CCM2: variants seen among roughly 807,000 people sequenced by gnomAD.
CCM2 encodes cerebral cavernous malformations 2 protein.
Under a neutral mutation model 44.9 loss-of-function variants are expected in CCM2, and 25 were observed. The observed-to-expected ratio is 0.56, with a 90% CI of 0.41 to 0.78. CCM2 has a LOEUF of 0.78. Among genes scored for constraint, CCM2 ranks in the 30% least tolerant of loss-of-function variants. The pLI, the probability that CCM2 is intolerant of heterozygous loss-of-function variation, is 0.00. For synonymous variants in CCM2, 219 were observed against 241.1 expected (o/e 0.91, Z 0.85); for missense variants, 481 against 580.6 (o/e 0.83, Z 1.76).
intron 4 of CCM2, among the ~76,000 whole-genome samples, chr7:45,065,097 G>A (rs1205298541): frequency 6.6e-6 from 1 of 151,968 alleles, no homozygotes; most frequent in Non-Finnish European, 1.5e-5. Context: ...GGAGCTCTTG[G>A]TCATAGAGGT....
intron 1 of CCM2, among the ~76,000 whole-genome samples, chr7:45,024,441 G>C (rs884082): frequency 0.15 from 20,057 of 136,426 alleles, 1,629 homozygotes; most frequent in Admixed American, 0.22. Flanking sequence ...TTTGCTTGCT[G>C]AACACTGTCA....
chr7:45,027,804 G>A, intron 1 of CCM2: 1 of 1,614,072 alleles, frequency 6.2e-7, no homozygotes, highest in Non-Finnish European at 8.5e-7. Flanking sequence ...TGAGGTAGGT[G>A]CAAGTCCAGT....
chr7:45,071,958 G>A (rs1270877424), intron 6 of CCM2: 3 of 430,470 alleles, frequency 7.0e-6, no homozygotes, highest in South Asian at 1.7e-5. Flanking sequence ...CGTCTTTGGG[G>A]GGTCATTATT....
chr7:45,004,324 T>C (rs1795760136), intron 1 of CCM2, among the ~76,000 whole-genome samples: 2 of 152,240 alleles, frequency 1.3e-5, no homozygotes, highest in South Asian at 4.1e-4. Flanking sequence ...TGAAATAATA[T>C]GATTTCTGGG....
chr7:45,056,393 G>A (rs914377609), intron 2 of CCM2, among the ~76,000 whole-genome samples: 2 of 152,082 alleles, frequency 1.3e-5, no homozygotes, highest in Admixed American at 6.6e-5. Context: ...GGTGGCTCAC[G>A]CCTGTAATCC....
At chr7:45,024,773 G>T (rs1286394395) in intron 1 of CCM2, among the ~76,000 whole-genome samples, 1 of 152,062 alleles carries the variant, frequency 6.6e-6, no homozygotes, top group African/African-American at 2.4e-5. Flanking sequence ...GCTTTTACAG[G>T]TACTTTTTTT....
chr7:45,038,891 G>T (rs1056352663), intron 2 of CCM2, among the ~76,000 whole-genome samples: 1 of 152,186 alleles, frequency 6.6e-6, no homozygotes, highest in African/African-American at 2.4e-5. Flanking sequence ...ACCATGTGAC[G>T]TGCATAAGTT....
At chr7:45,012,805 C>T (rs766563478) in intron 1 of CCM2, among the ~76,000 whole-genome samples, 5 of 152,102 alleles carry the variant, frequency 3.3e-5, no homozygotes, top group South Asian at 4.2e-4. Context: ...TTCAGCCTCC[C>T]GAGAAGCTGG....
chr7:45,006,930 GA>G (rs1203015575), intron 1 of CCM2, among the ~76,000 whole-genome samples: 18 of 152,202 alleles, frequency 1.2e-4, no homozygotes, highest in Non-Finnish European at 2.5e-4. Flanking sequence ...GGCAGCCCAA[GA>G]AGGCTAATGC....
intron 1 of CCM2, chr7:45,027,765 G>C: frequency 1.9e-6 from 3 of 1,614,182 alleles, no homozygotes; most frequent in African/African-American, 2.7e-5. Context: ...TCCTCAAACA[G>C]AATTTCACAC....
Position 45,073,529 on chromosome 7 carries a change from G to GAGCGCC in CCM2, c.881_886dup (p.Ser294_Ala295dup). On this transcript the variant is annotated inframe_insertion, in exon 8 of 10. Coordinates refer to ENST00000258781, the MANE Select transcript of CCM2 (RefSeq NM_031443.4). The stretch of plus-strand genomic sequence containing the variant: ...GCAAGACCATCAGTGAGAGCGAGCT[G>GAGCGCC]AGCGCCAGCGCCACTGAGCTGCTGC... 1 of 1,613,000 alleles carries GAGCGCC rather than the reference G, an allele frequency of 6.2e-7. No individual in the cohort carries two copies. Among genetic ancestry groups the GAGCGCC allele is most frequent in the African/African-American group, 1.3e-5 (1 of 75,040 alleles).
chr7:45,062,546 A>T (rs1351353767), intron 2 of CCM2, among the ~76,000 whole-genome samples: 1 of 152,190 alleles, frequency 6.6e-6, no homozygotes, highest in Non-Finnish European at 1.5e-5. Context: ...ATGAATAGAT[A>T]TTTCTAGGCT....
At position 45,076,090 on chromosome 7, in the gene CCM2, C is replaced by T. The variant is rs770977163; in HGVS notation, c.*33C>T. The T allele has an allele frequency of 5.5e-5, 88 of 1,611,954 alleles. No homozygotes were observed. The highest frequency in any genetic ancestry group is 3.3e-4 in the Middle Eastern group (2 of 5,988). On this transcript the variant is annotated 3_prime_UTR_variant, in exon 10 of 10. Transcript: ENST00000258781. ...TGGATGGGGGGGCACCCACACCTTC[C>T]GCGCAGTCGTCATAGGCCTTCCCAG...
Position 45,076,098 on chromosome 7 carries a change from C to A in CCM2, c.*41C>A. On this transcript the variant is annotated 3_prime_UTR_variant, in exon 10 of 10. Coordinates refer to ENST00000258781, the MANE Select transcript of CCM2 (RefSeq NM_031443.4). ...GGGGCACCCACACCTTCCGCGCAGT[C>A]GTCATAGGCCTTCCCAGAAGGAGCT... 1 of 1,610,840 alleles carries A rather than the reference C, an allele frequency of 6.2e-7. No homozygotes were observed. The highest frequency in any genetic ancestry group is 1.1e-5 in the South Asian group (1 of 90,818).
intron 9 of CCM2, among the ~76,000 whole-genome samples, chr7:45,075,073 G>C (rs999257897): frequency 2.0e-5 from 3 of 152,258 alleles, no homozygotes; most frequent in African/African-American, 7.2e-5. Flanking sequence ...CGACCTGGCA[G>C]TGGCAAACGT....
At chr7:45,052,320 C>T (rs1227674010) in intron 2 of CCM2, among the ~76,000 whole-genome samples, 1 of 152,310 alleles carries the variant, frequency 6.6e-6, no homozygotes, top group South Asian at 2.1e-4. Context: ...GAATTGGTAT[C>T]CTGCTGGCAG....
chr7:45,026,479 TA>T (rs1243166031), intron 1 of CCM2, among the ~76,000 whole-genome samples: 3 of 152,222 alleles, frequency 2.0e-5, no homozygotes, highest in Non-Finnish European at 4.4e-5. Context: ...GTACCATTTT[TA>T]TAGCCAAAAC....
rs116596883 is a variant in CCM2, at chr7:45,038,473, G to A, written c.204+47G>A. 2,438 of 1,591,610 alleles carry A rather than the reference G, an allele frequency of 1.5e-3. 31 individuals are homozygous for A. In the African/African-American group the frequency reaches 0.028, roughly 18 times the overall value. ...GACGTGCCTGCCAAACGACAGTGAC[G>A]GTCATGCTTGTATCCACCAGACACT... On this transcript the variant is annotated intron_variant, in intron 2 of 9. Coordinates refer to ENST00000258781, the MANE Select transcript of CCM2 (RefSeq NM_031443.4).
intron 1 of CCM2, among the ~76,000 whole-genome samples, chr7:45,021,571 A>AAAAT (rs1562866446): frequency 3.3e-5 from 5 of 151,540 alleles, no homozygotes; most frequent in African/African-American, 1.2e-4. Flanking sequence ...CTCAAAAAAA[A>AAAAT]AAAATAAAAT....
Sources: allele counts gnomAD v4.1 joint callset (sites outside exome capture counted in the v4.1 genomes callset), GRCh38; gene constraint gnomAD v4.1.1; transcripts MANE v1.5; gene names NCBI Gene and HGNC (gene_info 2026-07-23, HGNC 2026-07-21).